CNTN4: variants seen among roughly 807,000 people sequenced by gnomAD.
CNTN4 encodes the protein contactin-4.
A neutral mutation model predicts 122.5 loss-of-function variants in CNTN4; 77 were observed. The ratio of observed to expected loss-of-function variants is 0.63; its 90% CI spans 0.52 to 0.76. The LOEUF is 0.76. Ranked by LOEUF, CNTN4 falls within the 30% of genes least tolerant of loss-of-function variation. CNTN4 has a pLI of 0.00. For missense variants in CNTN4, 1,256 were observed against 1,259.1 expected (o/e 1.00, Z 0.04); for synonymous variants, 512 against 447.0 (o/e 1.15, Z -1.83).
chr3:2,817,375 C>G (rs1559537276), intron 6 of CNTN4, among the ~76,000 whole-genome samples: 1 of 151,408 alleles, frequency 6.6e-6, no homozygotes, highest in Non-Finnish European at 1.5e-5. Flanking sequence ...TCAGATCTAC[C>G]CAAATACAGT....
chr3:2,609,940 A>G (rs1019378058), intron 4 of CNTN4, among the ~76,000 whole-genome samples: 8 of 152,344 alleles, frequency 5.3e-5, no homozygotes, highest in African/African-American at 1.4e-4. Context: ...TTAATTTTGA[A>G]TACAATTACC....
chr3:2,926,617 G>T (rs2094475707), intron 13 of CNTN4, among the ~76,000 whole-genome samples: 1 of 152,094 alleles, frequency 6.6e-6, no homozygotes, highest in African/African-American at 2.4e-5. Flanking sequence ...AATGCTAAAG[G>T]TCAGGTACTC....
chr3:2,997,985 G>T (rs1002665525), intron 14 of CNTN4, among the ~76,000 whole-genome samples: 1 of 152,132 alleles, frequency 6.6e-6, no homozygotes, highest in Non-Finnish European at 1.5e-5. Context: ...AAGTAGAACT[G>T]CTTATAAATG....
At chr3:2,992,338 T>C (rs1317026214) in intron 14 of CNTN4, among the ~76,000 whole-genome samples, 2 of 152,234 alleles carry the variant, frequency 1.3e-5, no homozygotes, top group African/African-American at 2.4e-5. Flanking sequence ...TTTGGTTTGC[T>C]GTTTCATTTT....
chr3:2,326,610 TAAGC>T (rs1413691868), intron 2 of CNTN4, among the ~76,000 whole-genome samples: 14 of 152,058 alleles, frequency 9.2e-5, no homozygotes, highest in African/African-American at 3.4e-4. Context: ...TCGCATAAAT[TAAGC>T]AATGATCTCT....
intron 12 of CNTN4, among the ~76,000 whole-genome samples, chr3:2,912,465 G>C (rs1238154542): frequency 6.6e-6 from 1 of 152,100 alleles, no homozygotes; most frequent in African/African-American, 2.4e-5. Context: ...ATGAAAGGAT[G>C]ATAAACAACA....
At chr3:2,901,573 G>T (rs1406306076) in intron 11 of CNTN4, among the ~76,000 whole-genome samples, 3 of 152,174 alleles carry the variant, frequency 2.0e-5, no homozygotes, top group African/African-American at 7.2e-5. Flanking sequence ...AATTGCAGGG[G>T]TATAGGTACC....
chr3:2,508,770 T>C (rs2076803573), intron 3 of CNTN4, among the ~76,000 whole-genome samples: 1 of 152,234 alleles, frequency 6.6e-6, no homozygotes, highest in African/African-American at 2.4e-5. Context: ...ATTTCTTTTG[T>C]TTGTGGTAAC....
chr3:2,679,088 G>A (rs1052207767), intron 4 of CNTN4, among the ~76,000 whole-genome samples: 3 of 152,164 alleles, frequency 2.0e-5, no homozygotes, highest in African/African-American at 7.2e-5. Flanking sequence ...TATCTTCAAT[G>A]AGGTGCTTAA....
intron 13 of CNTN4, among the ~76,000 whole-genome samples, chr3:2,943,938 G>T (rs547303078): frequency 7.9e-5 from 12 of 152,054 alleles, no homozygotes; most frequent in Non-Finnish European, 1.8e-4. Flanking sequence ...TGTTTGCAAT[G>T]CTGGGAACAG....
At chr3:2,169,588 G>A (rs148449165) in intron 2 of CNTN4, among the ~76,000 whole-genome samples, 3,909 of 151,758 alleles carry the variant, frequency 0.026, 177 homozygotes, top group African/African-American at 0.089. Flanking sequence ...TTGTAGAGAC[G>A]GGGTTTCACC....
At chr3:2,331,806 G>A (rs1237566476) in intron 2 of CNTN4, among the ~76,000 whole-genome samples, 1 of 152,176 alleles carries the variant, frequency 6.6e-6, no homozygotes, top group African/African-American at 2.4e-5. Context: ...GAGACTGTTT[G>A]GGAAAGGGTG....
At position 2,612,871 on chromosome 3, in the gene CNTN4, C is replaced by T. The variant is rs549070743; in HGVS notation, c.55+41313C>T. On this transcript the variant is annotated intron_variant, in intron 4 of 24. Transcript: ENST00000418658. Reference sequence around the variant, plus strand: ...CTTAAATGGCATCAGCAATTTCTCACACTGTTTCACCCCAAGAGTGTTAGC... The same window carrying T: ...CTTAAATGGCATCAGCAATTTCTCATACTGTTTCACCCCAAGAGTGTTAGC... Among the ~76,000 whole-genome samples the T allele has an allele frequency of 2.6e-5, 4 of 152,246 alleles. No homozygotes were observed. In the East Asian group the frequency reaches 7.7e-4, roughly 29 times the overall value.
At position 2,129,298 on chromosome 3, in the gene CNTN4, G is replaced by A. The variant is rs528478580; in HGVS notation, c.-145+28659G>A. Reference sequence around the variant, plus strand: ...AAAAAAAAAAAAGCGCACATCATGTGCAGAGACTTCCCATGGGCATTGGGT... The same window carrying A: ...AAAAAAAAAAAAGCGCACATCATGTACAGAGACTTCCCATGGGCATTGGGT... On this transcript the variant is annotated intron_variant, in intron 2 of 24. Coordinates refer to ENST00000418658, the MANE Select transcript of CNTN4 (RefSeq NM_175607.3). Among the ~76,000 whole-genome samples the A allele has an allele frequency of 7.4e-5, 11 of 148,216 alleles. No homozygotes were observed. In the South Asian group the frequency reaches 1.1e-3, roughly 14 times the overall value.
At chr3:2,662,133 G>A (rs1214988806) in intron 4 of CNTN4, among the ~76,000 whole-genome samples, 1 of 152,192 alleles carries the variant, frequency 6.6e-6, no homozygotes, top group African/African-American at 2.4e-5. Context: ...AAAGAGATAA[G>A]CTTGTAAATC....
At chr3:2,571,674 A>G (rs1454830714) in intron 4 of CNTN4, 116 bp downstream of exon 4, 74 of 767,598 alleles carry the variant, frequency 9.6e-5, no homozygotes, top group Non-Finnish European at 4.7e-5. Context: ...ATATGCTGCT[A>G]TGACTAGCAT....
intron 7 of CNTN4, among the ~76,000 whole-genome samples, chr3:2,862,785 T>C (rs574481635): frequency 6.6e-6 from 1 of 152,356 alleles, no homozygotes; most frequent in Non-Finnish European, 1.5e-5. Flanking sequence ...GGCTTTATTT[T>C]TCAGAATGTT....
chr3:2,686,446 G>A (rs759704565), intron 4 of CNTN4, among the ~76,000 whole-genome samples: 7 of 151,862 alleles, frequency 4.6e-5, no homozygotes, highest in Non-Finnish European at 7.4e-5. Context: ...ATAGTTTCCC[G>A]GTTACTGCAA....
intron 4 of CNTN4, among the ~76,000 whole-genome samples, chr3:2,695,892 G>A (rs562979208): frequency 1.3e-5 from 2 of 152,282 alleles, no homozygotes; most frequent in Non-Finnish European, 2.9e-5. Context: ...TAGAAGTTAA[G>A]GCACTGAGGT....
Sources: gnomAD v4.1 joint callset for allele counts (sites outside exome capture counted in the v4.1 genomes callset) on GRCh38, gnomAD v4.1.1 for gene constraint, MANE v1.5 for transcripts, NCBI Gene and HGNC (gene_info 2026-07-23, HGNC 2026-07-21) for gene names.